The following RHBDL2 variants were observed in gnomAD, a reference collection of about 807,000 sequenced individuals.
RHBDL2 encodes the protein rhomboid like 2.
In RHBDL2, 26 loss-of-function variants were observed where a neutral mutation model predicts 31.7. The observed-to-expected ratio is 0.82, with a 90% CI of 0.60 to 1.14. The LOEUF is 1.14. Among genes scored for constraint, RHBDL2 ranks in the 50% most tolerant of loss-of-function variants. The pLI is 0.00. For missense variants in RHBDL2, 336 were observed against 364.4 expected (o/e 0.92, Z 0.63); for synonymous variants, 123 against 127.2 (o/e 0.97, Z 0.22).
intron 4 of RHBDL2, among the ~76,000 whole-genome samples, chr1:38,909,432 G>C (rs116642379): frequency 6.9e-4 from 105 of 152,230 alleles, no homozygotes; most frequent in Non-Finnish European, 1.2e-3. Flanking sequence ...AGGCATTCTA[G>C]AAAACATTCT....
At chr1:38,929,590 C>T in intron 1 of RHBDL2, 7 of 1,280,342 alleles carry the variant, frequency 5.5e-6, no homozygotes, top group Non-Finnish European at 7.1e-6. Context: ...AGGCAGGCCC[C>T]TGCCGGGGCT....
chr1:38,918,705 C>G (rs944406331), intron 2 of RHBDL2, among the ~76,000 whole-genome samples: 2 of 152,158 alleles, frequency 1.3e-5, no homozygotes, highest in African/African-American at 4.8e-5. Flanking sequence ...TGAAAGGAAG[C>G]CACTGAAATT....
chr1:38,928,906 A>G (rs1643409705), intron 1 of RHBDL2, among the ~76,000 whole-genome samples: 1 of 152,006 alleles, frequency 6.6e-6, no homozygotes, highest in African/African-American at 2.4e-5. Flanking sequence ...ACAAAAAAAA[A>G]TTAAAAATTA....
At position 38,918,990 on chromosome 1, in the gene RHBDL2, T is replaced by G. The variant is rs1257686997; in HGVS notation, c.223A>C (p.Ile75Leu). 1.9e-6 allele frequency: 3 copies of G among 1,613,686 alleles called. No homozygotes were observed. In the African/African-American group the frequency reaches 4.0e-5, roughly 22 times the overall value. Residue 75 changes from isoleucine to leucine, a missense_variant, in exon 2 of 8, where the codon ATC becomes CTC. Transcript: ENST00000372990. ...RANCFPPPVFIISISLAELAV... is the reference protein window; with the variant it reads ...RANCFPPPVFLISISLAELAV... Reference sequence around the variant, plus strand: ...ACCTCGGCCAGGCTGATGGAGATGATGAACACGGGAGGCGGGAAGCAGTTA... The same window carrying G: ...ACCTCGGCCAGGCTGATGGAGATGAGGAACACGGGAGGCGGGAAGCAGTTA...
At chr1:38,900,725 CA>C (rs1458057703) in intron 4 of RHBDL2, among the ~76,000 whole-genome samples, 1 of 151,062 alleles carries the variant, frequency 6.6e-6, no homozygotes, top group South Asian at 2.1e-4. Flanking sequence ...GACTCTGTCT[CA>C]AAAAAAATAA....
intron 1 of RHBDL2, among the ~76,000 whole-genome samples, chr1:38,931,349 G>A (rs934462524): frequency 1.3e-5 from 2 of 151,886 alleles, no homozygotes; most frequent in African/African-American, 4.8e-5. Flanking sequence ...GTGAAACCCC[G>A]TCTCTACTAA....
chr1:38,906,673 CA>C (rs200610097), intron 4 of RHBDL2, among the ~76,000 whole-genome samples: 131 of 138,358 alleles, frequency 9.5e-4, no homozygotes, highest in Admixed American at 8.8e-4. Flanking sequence ...CACTCCATCT[CA>C]AAAAAAAAAA....
chr1:38,903,065 G>A (rs1452547902), intron 4 of RHBDL2, among the ~76,000 whole-genome samples: 1 of 152,030 alleles, frequency 6.6e-6, no homozygotes, highest in Non-Finnish European at 1.5e-5. Context: ...TAGCAAGGTT[G>A]GAAAACACAA....
At chr1:38,927,295 C>T (rs1460758016) in intron 1 of RHBDL2, among the ~76,000 whole-genome samples, 4 of 152,028 alleles carry the variant, frequency 2.6e-5, no homozygotes, top group Non-Finnish European at 4.4e-5. Flanking sequence ...GGCGTGGTGG[C>T]GGGCGCCTGT....
rs558707614 is a variant in RHBDL2 at position 38,899,571 on chromosome 1, C to T, written c.509-3502G>A. ...TTGGAATTCAGGTCCCTTGGGAACA[C>T]TGGGCACCTAGGGATGTGGGAGCAG... On this transcript the variant is annotated intron_variant, in intron 4 of 7. Coordinates refer to ENST00000372990, the MANE Select transcript of RHBDL2 (RefSeq NM_017821.5). 6.6e-5 allele frequency among the ~76,000 whole-genome samples: 10 copies of T among 152,328 alleles called. 1 individual carries two copies. In the South Asian group the frequency reaches 1.9e-3, roughly 28 times the overall value.
At position 38,886,471 on chromosome 1, in the gene RHBDL2, T is replaced by A. The variant is rs1021389797; in HGVS notation, c.*33A>T. On this transcript the variant is annotated 3_prime_UTR_variant, in exon 8 of 8. Coordinates refer to ENST00000372990, the MANE Select transcript of RHBDL2 (RefSeq NM_017821.5). ...TTTTTTTTTATTTCCTCCAGATGGC[T>A]CTTTTTATTAATTGACTTACAATAG... 4 of 1,431,368 alleles carry A rather than the reference T, an allele frequency of 2.8e-6. No homozygotes were observed. In the African/African-American group the frequency reaches 5.7e-5, roughly 21 times the overall value. 88.7% of individuals were successfully genotyped at this position (1,431,368 alleles called of 1,614,324 possible). A position where few individuals can be genotyped will look rare whatever the true frequency, so the allele number is the denominator to read the frequency against.
chr1:38,918,954 G>A lies in RHBDL2; in HGVS notation c.246+13C>T, dbSNP rs370742361. Reference sequence around the variant, plus strand: ...TGCCACTTACCCCGGTGCCCACCCCGCTCCCCATTCACCTCGGCCAGGCTG... The same window carrying A: ...TGCCACTTACCCCGGTGCCCACCCCACTCCCCATTCACCTCGGCCAGGCTG... On this transcript the variant is annotated intron_variant, in intron 2 of 7. Transcript: ENST00000372990. The A allele has an allele frequency of 4.0e-4, 647 of 1,606,892 alleles. 5 individuals are homozygous for A. Among genetic ancestry groups the A allele is most frequent in the Middle Eastern group, 2.2e-3 (13 of 6,006 alleles).
At chr1:38,922,955 G>T (rs1486976041) in intron 1 of RHBDL2, among the ~76,000 whole-genome samples, 1 of 152,056 alleles carries the variant, frequency 6.6e-6, no homozygotes, top group African/African-American at 2.4e-5. Context: ...GCTGGGCATG[G>T]TAGCAAGACC....
chr1:38,937,354 C>T (rs1029798174), intron 1 of RHBDL2, among the ~76,000 whole-genome samples: 2 of 152,138 alleles, frequency 1.3e-5, no homozygotes, highest in Non-Finnish European at 2.9e-5. Flanking sequence ...CTCTCAGGAA[C>T]ACAGCATTCT....
intron 1 of RHBDL2, among the ~76,000 whole-genome samples, chr1:38,921,848 GC>G (rs1265440356): frequency 3.3e-5 from 5 of 152,084 alleles, no homozygotes; most frequent in African/African-American, 1.2e-4. Context: ...AAGATCAGCA[GC>G]TTTTAACCAC....
chr1:38,892,676 G>A (rs1642869242), intron 6 of RHBDL2, among the ~76,000 whole-genome samples: 1 of 152,210 alleles, frequency 6.6e-6, no homozygotes, highest in Non-Finnish European at 1.5e-5. Flanking sequence ...TATGTGAGAT[G>A]ATTATGTGAA....
intron 6 of RHBDL2, among the ~76,000 whole-genome samples, chr1:38,889,816 C>G (rs1296733212): frequency 6.6e-6 from 1 of 152,172 alleles, no homozygotes; most frequent in Non-Finnish European, 1.5e-5. Context: ...TCCCTATGCT[C>G]TACTTAGTGA....
intron 1 of RHBDL2, chr1:38,929,378 G>T: frequency 7.8e-7 from 1 of 1,285,040 alleles, no homozygotes. Flanking sequence ...GAAGCCAGAG[G>T]ACTAAATCAG....
chr1:38,937,453 A>G (rs1324657654), intron 1 of RHBDL2, among the ~76,000 whole-genome samples: 1 of 152,176 alleles, frequency 6.6e-6, no homozygotes, highest in African/African-American at 2.4e-5. Context: ...GAAGAGAAAC[A>G]ATGAAAACAG....
Sources: gnomAD v4.1 joint callset for allele counts (sites outside exome capture counted in the v4.1 genomes callset) on GRCh38, gnomAD v4.1.1 for gene constraint, MANE v1.5 for transcripts, NCBI Gene and HGNC (gene_info 2026-07-23, HGNC 2026-07-21) for gene names.